The following CNBP variants were observed in gnomAD, a reference collection of about 807,000 sequenced individuals.
CNBP encodes cellular nucleic acid-binding protein.
Under a neutral mutation model 21.2 loss-of-function variants are expected in CNBP, and 6 were observed. The observed-to-expected ratio is 0.28, with a 90% confidence interval of 0.16 to 0.56. CNBP has a LOEUF of 0.56. Among genes scored for constraint, CNBP ranks in the 20% least tolerant of loss-of-function variants. CNBP has a pLI of 0.93. For synonymous variants in CNBP, 61 were observed against 74.9 expected (o/e 0.81, Z 0.96); for missense variants, 112 against 233.1 (o/e 0.48, Z 3.38).
At chr3:129,174,251 A>G (rs2107638593) in intron 1 of CNBP, among the ~76,000 whole-genome samples, 1 of 149,964 alleles carries the variant, frequency 6.7e-6, no homozygotes, top group East Asian at 2.0e-4. Context: ...AGAATTTGAA[A>G]TAGTATCTGC....
rs1937531977 is a variant in CNBP, at chr3:129,169,499, T to C, written c.*954A>G. ...AACTGTCAGCTTTCAGTCCTCCACA[T>C]TCCCCTCTTTAATATGGTATTTTGC... On this transcript the variant is annotated 3_prime_UTR_variant, in exon 5 of 5. Transcript: ENST00000422453. 5.0e-6 allele frequency: 1 copy of C among 200,622 alleles called. No homozygotes were observed. The highest frequency in any genetic ancestry group is 2.3e-5 in the African/African-American group (1 of 43,518). The allele number at this position is 200,622 out of a possible 1,614,324, so 12.4% of individuals were successfully genotyped here.
chr3:129,171,845 T>A, intron 1 of CNBP, 74 bp from the exon 2 acceptor site: 1 of 1,461,082 alleles, frequency 6.8e-7, no homozygotes, highest in South Asian at 1.3e-5. Flanking sequence ...TAAATGTATT[T>A]TTGGAAAATT....
At chr3:129,181,239 C>CAAAAAAAAAAAAAAA (rs10587328) in intron 1 of CNBP, among the ~76,000 whole-genome samples, 32 of 53,176 alleles carry the variant, frequency 6.0e-4, no homozygotes, top group African/African-American at 2.4e-3. Context: ...GACTCTGTCT[C>CAAAAAAAAAAAAAAA]AAAAAAAAAA....
At chr3:129,181,293 TAACAA>T (rs1388894976) in intron 1 of CNBP, among the ~76,000 whole-genome samples, 1 of 136,464 alleles carries the variant, frequency 7.3e-6, no homozygotes, top group Non-Finnish European at 1.6e-5. Flanking sequence ...ATAAATCATG[TAACAA>T]AACACATTTA....
At position 129,170,431 on chromosome 3, in the gene CNBP, G is replaced by T. The variant is rs746102562; in HGVS notation, c.*22C>A. ...TAATACAACCATCAATCAGAAAAAG[G>T]AGGGGCGACAAAGGAAAATAATTAG... On this transcript the variant is annotated 3_prime_UTR_variant, in exon 5 of 5. Coordinates refer to ENST00000422453, the MANE Select transcript of CNBP (RefSeq NM_003418.5). 1.1e-5 allele frequency: 17 copies of T among 1,578,810 alleles called. No homozygotes were observed. Among genetic ancestry groups the T allele is most frequent in the Middle Eastern group, 1.7e-4 (1 of 6,030 alleles).
rs562162363 is a variant in CNBP at position 129,169,281 on chromosome 3, C to T, written c.*1172G>A. Among the ~76,000 whole-genome samples the T allele has an allele frequency of 9.1e-4, 139 of 152,152 alleles. 1 individual carries two copies. In the South Asian group the frequency reaches 0.028, roughly 31 times the overall value. On this transcript the variant is annotated 3_prime_UTR_variant, in exon 5 of 5. Transcript: ENST00000422453. ...AGCCTGGGCGACAAGAGTGAGACTC[C>T]GTCTCCAAAACAAAACAAAACCACC...
At chr3:129,181,919 A>G (rs1357860340) in intron 1 of CNBP, among the ~76,000 whole-genome samples, 1 of 152,204 alleles carries the variant, frequency 6.6e-6, no homozygotes, top group African/African-American at 2.4e-5. Flanking sequence ...CTTGTAGACA[A>G]GAATCAGGCT....
chr3:129,173,849 T>G (rs1270197585), intron 1 of CNBP, among the ~76,000 whole-genome samples: 2 of 152,076 alleles, frequency 1.3e-5, no homozygotes, highest in South Asian at 4.1e-4. Flanking sequence ...TGAGTAAAAC[T>G]TGAGTGGATA....
At position 129,170,530 on chromosome 3, in the gene CNBP, T is replaced by C. The variant is rs201427691; in HGVS notation, c.457A>G (p.Thr153Ala). 5 of 1,614,210 alleles carry C rather than the reference T, an allele frequency of 3.1e-6. No individual in the cohort carries two copies. In the Admixed American group the frequency reaches 6.7e-5, roughly 22 times the overall value. ...TGHVAINCSK[T>A]SEVNCYRCGE... is the part of the protein sequence containing the mutation. Reference sequence around the variant, plus strand: ...CAGCGGTAACAGTTGACTTCACTTGTCTTGCTGCAGTTGATGGCTACATGA... The same window carrying C: ...CAGCGGTAACAGTTGACTTCACTTGCCTTGCTGCAGTTGATGGCTACATGA... The change falls in exon 5 of 5, where the codon ACA becomes GCA. Residue 153 changes from threonine to alanine, a missense_variant. Coordinates refer to ENST00000422453, the MANE Select transcript of CNBP (RefSeq NM_003418.5).
chr3:129,183,245 G>C (rs1039248882), intron 1 of CNBP, among the ~76,000 whole-genome samples: 1 of 152,192 alleles, frequency 6.6e-6, no homozygotes, highest in Non-Finnish European at 1.5e-5. Flanking sequence ...ACCGCGCCCG[G>C]CCTAAGAACC....
At chr3:129,181,052 C>A (rs1211329374) in intron 1 of CNBP, among the ~76,000 whole-genome samples, 3 of 151,076 alleles carry the variant, frequency 2.0e-5, no homozygotes, top group Non-Finnish European at 4.4e-5. Flanking sequence ...CCAGCCTGGC[C>A]AACATGGTGA....
At position 129,170,432 on chromosome 3, in the gene CNBP, A is replaced by AG. The variant is rs769656607; in HGVS notation, c.*20dup. 3 of 1,578,934 alleles carry AG rather than the reference A, an allele frequency of 1.9e-6. No individual in the cohort carries two copies. In the South Asian group the frequency reaches 3.3e-5, roughly 17 times the overall value. On this transcript the variant is annotated 3_prime_UTR_variant, in exon 5 of 5. Coordinates refer to ENST00000422453, the MANE Select transcript of CNBP (RefSeq NM_003418.5). ...AATACAACCATCAATCAGAAAAAGGAGGGGCGACAAAGGAAAATAATTAGG... is the reference window on the plus strand; with the variant it reads ...AATACAACCATCAATCAGAAAAAGGAGGGGGCGACAAAGGAAAATAATTAGG...
Position 129,171,220 on chromosome 3 carries a change from C to T in CNBP, c.275G>A (p.Arg92Lys). 1 of 1,614,272 alleles carries T rather than the reference C, an allele frequency of 6.2e-7. No homozygotes were observed. The highest frequency in any genetic ancestry group is 8.5e-7 in the Non-Finnish European group (1 of 1,180,050). The change falls in exon 4 of 5, where the codon AGA (arginine) becomes AAA (lysine). Residue 92 changes from arginine to lysine, a missense_variant. By Grantham distance (26) the Arg-to-Lys change is conservative (BLOSUM62 2). Coordinates refer to ENST00000422453, the MANE Select transcript of CNBP (RefSeq NM_003418.5). ...HIAKDCKEPKREREQCCYNCG... is the reference protein window; with the variant it reads ...HIAKDCKEPKKEREQCCYNCG... Reference sequence around the variant, plus strand: ...GTTGTAGCAGCATTGCTCTCGCTCTCTCTTGGGCTCCTTGCAGTCCTTGGC... The same window carrying T: ...GTTGTAGCAGCATTGCTCTCGCTCTTTCTTGGGCTCCTTGCAGTCCTTGGC...
At chr3:129,172,120 G>C (rs552952284) in intron 1 of CNBP, among the ~76,000 whole-genome samples, 71 of 152,196 alleles carry the variant, frequency 4.7e-4, no homozygotes, top group Admixed American at 1.6e-3. Context: ...ACAGTGAGCT[G>C]AGATGGTGCC....
At chr3:129,178,935 C>T (rs907870245) in intron 1 of CNBP, among the ~76,000 whole-genome samples, 1 of 151,792 alleles carries the variant, frequency 6.6e-6, no homozygotes, top group East Asian at 1.9e-4. Context: ...TTAGTAGAGA[C>T]GGGGGTTTCA....
rs1421374550 is a variant in CNBP at position 129,168,623 on chromosome 3, A to G, written c.*1830T>C. On this transcript the variant is annotated 3_prime_UTR_variant, in exon 5 of 5. Transcript: ENST00000422453. Reference sequence around the variant, plus strand: ...ACTGTCTCAAAAAAAAAAAAAAAAAAAAAAAAGGCCCAGGAAAAACACAAA... The same window carrying G: ...ACTGTCTCAAAAAAAAAAAAAAAAAGAAAAAAGGCCCAGGAAAAACACAAA... Among the ~76,000 whole-genome samples, 4 of 149,762 alleles carry G rather than the reference A, an allele frequency of 2.7e-5. No individual in the cohort carries two copies. The highest frequency in any genetic ancestry group is 7.4e-5 in the African/African-American group (3 of 40,772).
chr3:129,177,557 A>T (rs1039830506), intron 1 of CNBP, among the ~76,000 whole-genome samples: 4 of 152,196 alleles, frequency 2.6e-5, no homozygotes, highest in African/African-American at 9.6e-5. Context: ...TTCGCCAATT[A>T]CCTTGGATTG....
chr3:129,174,478 CAAG>C (rs1451726581), intron 1 of CNBP, among the ~76,000 whole-genome samples: 3 of 150,978 alleles, frequency 2.0e-5, no homozygotes, highest in African/African-American at 7.3e-5. Flanking sequence ...CCAGCCTCAC[CAAG>C]AAGGAGAAAC....
chr3:129,178,384 T>C (rs1938065790), intron 1 of CNBP, among the ~76,000 whole-genome samples: 3 of 152,146 alleles, frequency 2.0e-5, no homozygotes, highest in African/African-American at 7.2e-5. Flanking sequence ...AATCTAACAG[T>C]ATGTGGTCAA....
Sources: gnomAD v4.1 joint callset for allele counts (sites outside exome capture counted in the v4.1 genomes callset) on GRCh38, gnomAD v4.1.1 for gene constraint, MANE v1.5 for transcripts, NCBI Gene and HGNC (gene_info 2026-07-23, HGNC 2026-07-21) for gene names.